The following ARHGEF28 variants were observed in gnomAD, a reference collection of about 807,000 sequenced individuals.
The protein encoded by ARHGEF28 is Rho guanine nucleotide exchange factor 28.
Under a neutral mutation model 206.6 loss-of-function variants are expected in ARHGEF28, and 152 were observed. That is an observed-to-expected ratio of 0.74 (90% CI 0.64 to 0.84). The LOEUF (loss-of-function observed/expected upper bound fraction) is 0.84, where lower values mean the gene tolerates loss of function less well. Ranked by LOEUF, ARHGEF28 falls within the 40% of genes least tolerant of loss-of-function variation. The probability of loss-of-function intolerance (pLI) is 0.00; values close to 1 mark genes in which losing one functional copy is unlikely to be tolerated. For synonymous variants in ARHGEF28, 763 were observed against 776.4 expected, an observed-to-expected ratio of 0.98 and a Z score of 0.29; for missense variants, 2,028 against 2,073.2, an observed-to-expected ratio of 0.98 and a Z score of 0.42.
At chr5:73,689,744 G>T (rs185226391) in intron 2 of ARHGEF28, among the ~76,000 whole-genome samples, 1 of 151,362 alleles carries the variant, frequency 6.6e-6, no homozygotes, top group African/African-American at 2.4e-5. Flanking sequence ...GCACTGGAAG[G>T]CTAGTCTGTT....
chr5:73,899,203 CT>C (rs1157396383), intron 30 of ARHGEF28: 1 of 152,130 alleles, frequency 6.6e-6, no homozygotes, highest in Non-Finnish European at 1.5e-5. Context: ...TTGTACTGCC[CT>C]GGGTGATTTC....
chr5:73,897,853 G>A, intron 29 of ARHGEF28, 109 bp from the exon 30 acceptor site: 1 of 1,245,878 alleles, frequency 8.0e-7, no homozygotes, highest in East Asian at 2.7e-5. Flanking sequence ...TAGCCCCTGG[G>A]TCCTATAAAA....
rs73105712 is a variant in ARHGEF28, at chr5:73,913,597, C to T, written c.4948+2022C>T. ...ACATGATCTTGGGGGACAGTGACTG[C>T]GGGGGGCCGGACAGGAAGAAGCAGG... On this transcript the variant is annotated intron_variant, in intron 35 of 35. Coordinates refer to ENST00000513042, the MANE Select transcript of ARHGEF28 (RefSeq NM_001177693.2). Among the ~76,000 whole-genome samples the T allele has an allele frequency of 5.9e-3, 893 of 152,180 alleles. 10 individuals carry two copies. Among genetic ancestry groups the T allele is most frequent in the African/African-American group, 0.02 (846 of 41,522 alleles).
intron 1 of ARHGEF28, among the ~76,000 whole-genome samples, chr5:73,638,030 T>C (rs1275219757): frequency 6.6e-6 from 1 of 152,226 alleles, no homozygotes; most frequent in African/African-American, 2.4e-5. Flanking sequence ...ATTTAAGAAA[T>C]TGATGTTTTA....
In ARHGEF28 at chr5:73,751,961, G is replaced by A. The variant is rs558623949; in HGVS notation, c.182-948G>A. 2.0e-5 allele frequency among the ~76,000 whole-genome samples: 3 copies of A among 152,260 alleles called. No individual in the cohort carries two copies. In the South Asian group the frequency reaches 6.2e-4, roughly 32 times the overall value. On this transcript the variant is annotated intron_variant, in intron 3 of 35. Coordinates refer to ENST00000513042, the MANE Select transcript of ARHGEF28 (RefSeq NM_001177693.2). The stretch of plus-strand genomic sequence containing the variant: ...ACTAGTTCTCTTTCAGTAAACTTGG[G>A]ATAGTCTTGTTCCTTGGAGCCCTAG...
At chr5:73,630,451 G>C (rs1265435817) in intron 1 of ARHGEF28, among the ~76,000 whole-genome samples, 1 of 152,194 alleles carries the variant, frequency 6.6e-6, no homozygotes, top group Admixed American at 6.5e-5. Context: ...TGCTTCAACT[G>C]TTGTGAGGAC....
At chr5:73,918,319 G>A (rs969873759) in intron 35 of ARHGEF28, among the ~76,000 whole-genome samples, 1 of 152,216 alleles carries the variant, frequency 6.6e-6, no homozygotes, top group African/African-American at 2.4e-5. Flanking sequence ...CTGTGTTCCA[G>A]TGAACTTTCT....
At chr5:73,919,957 C>T (rs377409791) in intron 35 of ARHGEF28, among the ~76,000 whole-genome samples, 1 of 152,182 alleles carries the variant, frequency 6.6e-6, no homozygotes, top group African/African-American at 2.4e-5. Context: ...CTCTTGTTAA[C>T]TGCTCTATCA....
rs1373427316 is a variant in ARHGEF28 at position 73,901,269 on chromosome 5, TGATGCAGGGGA to T, written c.4062_4072del (p.Asp1354GlufsTer5). ...GTGTGGTAACCGACTTGGCCGTCTC[TGATGCAGGGGA>T]GAAGGTATTGTGAACTGATTTGTTA... On this transcript the variant is annotated frameshift_variant, in exon 31 of 36. Transcript: ENST00000513042. LOFTEE classifies it high-confidence loss of function. The T allele has an allele frequency of 6.2e-7, 1 of 1,613,088 alleles. No individual in the cohort carries two copies. Among genetic ancestry groups the T allele is most frequent in the Admixed American group, 1.7e-5 (1 of 59,998 alleles).
At chr5:73,733,244 A>C (rs1469377181) in intron 2 of ARHGEF28, among the ~76,000 whole-genome samples, 1 of 152,230 alleles carries the variant, frequency 6.6e-6, no homozygotes, top group Non-Finnish European at 1.5e-5. Flanking sequence ...ACAATGAAAA[A>C]TAAAAAGACT....
intron 9 of ARHGEF28, among the ~76,000 whole-genome samples, chr5:73,829,073 A>G (rs1757125935): frequency 6.6e-6 from 1 of 152,226 alleles, no homozygotes; most frequent in African/African-American, 2.4e-5. Context: ...CACCTGCCTC[A>G]GTTTCACAAA....
At chr5:73,910,431 A>G (rs1180059181) in intron 34 of ARHGEF28, among the ~76,000 whole-genome samples, 2 of 146,870 alleles carry the variant, frequency 1.4e-5, no homozygotes, top group South Asian at 2.2e-4. Context: ...CCCAAGTCCT[A>G]TGGGATCACT....
At chr5:73,849,553 G>A (rs1561455133) in intron 13 of ARHGEF28, among the ~76,000 whole-genome samples, 1 of 151,992 alleles carries the variant, frequency 6.6e-6, no homozygotes, top group Non-Finnish European at 1.5e-5. Flanking sequence ...TAACATATTT[G>A]TAACATGATT....
intron 9 of ARHGEF28, among the ~76,000 whole-genome samples, chr5:73,797,921 G>A (rs1474430621): frequency 6.6e-6 from 1 of 152,174 alleles, no homozygotes; most frequent in Admixed American, 6.5e-5. Context: ...GTAGTAGCCT[G>A]TGGCCACCTA....
chr5:73,731,093 A>G (rs1319322160), intron 2 of ARHGEF28, among the ~76,000 whole-genome samples: 1 of 151,516 alleles, frequency 6.6e-6, no homozygotes, highest in Non-Finnish European at 1.5e-5. Flanking sequence ...ATCCATTTTT[A>G]GTAACTGTGC....
intron 22 of ARHGEF28, among the ~76,000 whole-genome samples, chr5:73,877,627 G>T (rs1760609308): frequency 6.7e-6 from 1 of 148,918 alleles, no homozygotes; most frequent in African/African-American, 2.5e-5. Context: ...TTGTGTCTTT[G>T]TTCTTGTTGG....
At chr5:73,670,617 C>CA (rs1001808749) in intron 1 of ARHGEF28, among the ~76,000 whole-genome samples, 33 of 151,956 alleles carry the variant, frequency 2.2e-4, no homozygotes, top group South Asian at 2.1e-3. Flanking sequence ...TCTCTACCAG[C>CA]AAAAAAACCA....
At chr5:73,834,929 T>C (rs1561441244) in intron 10 of ARHGEF28, among the ~76,000 whole-genome samples, 1 of 152,166 alleles carries the variant, frequency 6.6e-6, no homozygotes, top group Non-Finnish European at 1.5e-5. Context: ...GAGGAATGAC[T>C]GTACTTATCC....
intron 2 of ARHGEF28, among the ~76,000 whole-genome samples, chr5:73,711,590 A>C (rs1263977482): frequency 1.3e-5 from 2 of 152,146 alleles, no homozygotes; most frequent in Non-Finnish European, 2.9e-5. Context: ...TGCTATCATG[A>C]TGTTTGTTTC....
Sources: gnomAD v4.1 joint callset for allele counts (sites outside exome capture counted in the v4.1 genomes callset) on GRCh38, gnomAD v4.1.1 for gene constraint, MANE v1.5 for transcripts, NCBI Gene and HGNC (gene_info 2026-07-23, HGNC 2026-07-21) for gene names.